Variants in PRICKLE2 observed in about 807,000 individuals in gnomAD.
PRICKLE2 encodes the protein prickle-like protein 2.
In PRICKLE2, 21 loss-of-function variants were observed where a neutral mutation model predicts 81.4. The ratio of observed to expected loss-of-function variants is 0.26; its 90% confidence interval spans 0.18 to 0.37. The LOEUF is 0.37. Ranked by LOEUF, PRICKLE2 falls within the 10% of genes least tolerant of loss-of-function variation. PRICKLE2 has a pLI of 1.00. For synonymous variants in PRICKLE2, 456 were observed against 421.5 expected (o/e 1.08, Z -1.00); for missense variants, 940 against 1,109.0 (o/e 0.85, Z 2.16).
intron 7 of PRICKLE2, among the ~76,000 whole-genome samples, chr3:64,141,195 T>C (rs1400840667): frequency 6.6e-6 from 1 of 152,222 alleles, no homozygotes; most frequent in Admixed American, 6.5e-5. Flanking sequence ...CAGCAGTACA[T>C]TTACCATGGT....
chr3:64,213,843 G>A (rs1192198086), intron 1 of PRICKLE2, among the ~76,000 whole-genome samples: 3 of 152,022 alleles, frequency 2.0e-5, no homozygotes, highest in South Asian at 2.1e-4. Context: ...AAGGCTCAAC[G>A]AGTTTGTGGA....
rs1223431199 is a variant in PRICKLE2, at chr3:64,094,938, C to T, written c.*4113G>A. 2 of 152,674 alleles carry T rather than the reference C, an allele frequency of 1.3e-5. No individual in the cohort carries two copies. Among genetic ancestry groups the T allele is most frequent in the African/African-American group, 4.8e-5 (2 of 41,454 alleles). 9.5% of individuals were successfully genotyped at this position (152,674 alleles called of 1,614,324 possible). A position where few individuals can be genotyped will look rare whatever the true frequency, so the allele number is the denominator to read the frequency against. ...CAAAACAGTTGCTAATAGCAACTGT[C>T]CTGGCATGAAGTATTCAGATAACTG... On this transcript the variant is annotated 3_prime_UTR_variant, in exon 8 of 8. Coordinates refer to ENST00000638394, the MANE Select transcript of PRICKLE2 (RefSeq NM_198859.4).
chr3:64,143,019 A>C (rs1002700938), intron 7 of PRICKLE2, among the ~76,000 whole-genome samples: 17 of 152,144 alleles, frequency 1.1e-4, no homozygotes, highest in African/African-American at 4.1e-4. Context: ...ATTAATTAGA[A>C]AGACAAAAAA....
At chr3:64,173,569 A>G (rs967630140) in intron 2 of PRICKLE2, among the ~76,000 whole-genome samples, 3 of 152,228 alleles carry the variant, frequency 2.0e-5, no homozygotes, top group Admixed American at 2.0e-4. Flanking sequence ...TGGCTCTTGC[A>G]AGGCAGTATG....
chr3:64,236,242 T>C (rs887037045), intron 2 of PRICKLE2, among the ~76,000 whole-genome samples: 3 of 152,212 alleles, frequency 2.0e-5, no homozygotes, highest in Admixed American at 6.5e-5. Flanking sequence ...TGCTGCTTTA[T>C]GTCAGTTTTA....
chr3:64,177,351 G>C (rs2078044148), intron 2 of PRICKLE2, among the ~76,000 whole-genome samples: 1 of 151,606 alleles, frequency 6.6e-6, no homozygotes, highest in African/African-American at 2.4e-5. Context: ...TGGCCAGGCT[G>C]GTCTCGAACT....
At chr3:64,199,347 T>C in intron 1 of PRICKLE2, 2 of 283,594 alleles carry the variant, frequency 7.1e-6, no homozygotes, top group South Asian at 5.9e-5. Context: ...ATATACATAA[T>C]ACATATGTTG....
rs903042581 is a variant in PRICKLE2 at position 64,098,958 on chromosome 3, AC to A, written c.*92del. The A allele has an allele frequency of 4.5e-5, 67 of 1,476,514 alleles. No individual in the cohort carries two copies. Among genetic ancestry groups the A allele is most frequent in the Non-Finnish European group, 5.9e-5 (62 of 1,058,408 alleles). The allele number at this position is 1,476,514 out of a possible 1,614,324, so 91.5% of individuals were successfully genotyped here. On this transcript the variant is annotated 3_prime_UTR_variant, in exon 8 of 8. Transcript: ENST00000638394. ...TTTTCCCTTTTCTCCCCCATAAGCC[AC>A]CCCCAAAAGCGCTTTAACATTTAAA...
intron 2 of PRICKLE2, among the ~76,000 whole-genome samples, chr3:64,262,119 C>T (rs562671882): frequency 6.6e-6 from 1 of 152,174 alleles, no homozygotes; most frequent in East Asian, 1.9e-4. Flanking sequence ...GTAACGCACA[C>T]TCTATCAAGA....
chr3:64,211,755 T>G (rs1020123102), intron 1 of PRICKLE2, among the ~76,000 whole-genome samples: 2 of 152,242 alleles, frequency 1.3e-5, no homozygotes, highest in African/African-American at 4.8e-5. Flanking sequence ...CATTAATGTG[T>G]TAGCCACTGT....
At chr3:64,123,939 T>C (rs541606025) in intron 7 of PRICKLE2, among the ~76,000 whole-genome samples, 1 of 152,138 alleles carries the variant, frequency 6.6e-6, no homozygotes, top group Non-Finnish European at 1.5e-5. Flanking sequence ...CGTGCACCTC[T>C]CACTTTAGAT....
At chr3:64,237,232 T>C (rs2079195768) in intron 2 of PRICKLE2, among the ~76,000 whole-genome samples, 1 of 152,194 alleles carries the variant, frequency 6.6e-6, no homozygotes, top group South Asian at 2.1e-4. Context: ...GCTTAAGTGT[T>C]AGCTCAGTGG....
intron 2 of PRICKLE2, among the ~76,000 whole-genome samples, chr3:64,190,693 A>G (rs1036267621): frequency 6.6e-6 from 1 of 152,210 alleles, no homozygotes; most frequent in African/African-American, 2.4e-5. Flanking sequence ...TGCTGCCAAG[A>G]AGCCCATAGC....
chr3:64,206,603 G>T (rs926722400), intron 1 of PRICKLE2, among the ~76,000 whole-genome samples: 1 of 152,136 alleles, frequency 6.6e-6, no homozygotes, highest in Non-Finnish European at 1.5e-5. Context: ...CCTGTGGTGT[G>T]GGCTCCTCTG....
Position 64,147,146 on chromosome 3 carries a change from G to C in PRICKLE2, c.1344C>G (p.Asn448Lys), listed in dbSNP as rs754773907. The change falls in exon 7 of 8, where the codon AAC (asparagine) becomes AAG (lysine). Residue 448 changes from asparagine to lysine, a missense_variant. Physicochemically the swap from Asn to Lys is moderately conservative, Grantham distance 94. Around this residue, in one of 2 missense-constraint regions of PRICKLE2, gnomAD observed 670 missense variants for 717.2 expected, o/e 0.93. Transcript: ENST00000638394. This position sits in a 1 kb window ranked among gnomAD's most constrained non-coding sequence, Gnocchi z 5.0. ...QPEMWGKHFS[N>K]PKRSSSLAMT... ...TGGCCAGTGACGAGCTCCTTTTGGG[G>C]TTGCTGAAGTGCTTGCCCCACATTT... 2 of 1,614,188 alleles carry C rather than the reference G, an allele frequency of 1.2e-6. No homozygotes were observed. The highest frequency in any genetic ancestry group is 3.3e-5 in the Admixed American group (2 of 60,028).
chr3:64,143,359 T>C (rs1454535847), intron 7 of PRICKLE2, among the ~76,000 whole-genome samples: 2 of 152,050 alleles, frequency 1.3e-5, no homozygotes, highest in Non-Finnish European at 2.9e-5. Flanking sequence ...ATGGCCAGGG[T>C]TGCTTCCCAA....
chr3:64,220,390 G>A (rs996386799), intron 1 of PRICKLE2, among the ~76,000 whole-genome samples: 3 of 152,188 alleles, frequency 2.0e-5, no homozygotes, highest in East Asian at 3.9e-4. Context: ...GAGAGGAATC[G>A]AGGCAACTCA....
chr3:64,165,403 G>C (rs1349917516), intron 2 of PRICKLE2, among the ~76,000 whole-genome samples: 1 of 152,154 alleles, frequency 6.6e-6, no homozygotes, highest in East Asian at 1.9e-4. Flanking sequence ...CTCATCATAA[G>C]ACTGTGATGA....
At chr3:64,121,238 T>G (rs886654363) in intron 7 of PRICKLE2, among the ~76,000 whole-genome samples, 1 of 152,164 alleles carries the variant, frequency 6.6e-6, no homozygotes, top group Non-Finnish European at 1.5e-5. Flanking sequence ...AACTATCCTC[T>G]CTGGATTATG....
Sources: gnomAD v4.1 joint callset for allele counts (sites outside exome capture counted in the v4.1 genomes callset) on GRCh38, gnomAD v4.1.1 for gene constraint, gnomAD v4.1.1 regional missense constraint, Gnocchi (gnomAD v3.1) non-coding constraint, MANE v1.5 for transcripts, NCBI Gene and HGNC (gene_info 2026-07-23, HGNC 2026-07-21) for gene names.